The following UBTD2 variants were observed in gnomAD, a reference collection of about 807,000 sequenced individuals.
UBTD2 encodes ubiquitin domain containing 2, also known as ubiquitin domain-containing protein 2.
Under a neutral mutation model 19.8 loss-of-function variants are expected in UBTD2, and 9 were observed. That is an observed-to-expected ratio of 0.46 (90% CI 0.27 to 0.79). The LOEUF (loss-of-function observed/expected upper bound fraction) is 0.79, where lower values mean the gene tolerates loss of function less well. Among genes scored for constraint, UBTD2 ranks in the 30% least tolerant of loss-of-function variants. UBTD2 has a pLI of 0.14. For missense variants in UBTD2, 250 were observed against 300.4 expected (o/e 0.83, Z 1.24); for synonymous variants, 98 against 103.9 (o/e 0.94, Z 0.35).
At chr5:172,281,727 G>C (rs1479122884) in intron 1 of UBTD2, among the ~76,000 whole-genome samples, 1 of 152,030 alleles carries the variant, frequency 6.6e-6, no homozygotes, top group African/African-American at 2.4e-5. Context: ...GAGAATAAAA[G>C]CGTCCATAAT....
chr5:172,225,071 T>C (rs1018983054), intron 2 of UBTD2, among the ~76,000 whole-genome samples: 2 of 152,060 alleles, frequency 1.3e-5, no homozygotes, highest in East Asian at 1.9e-4. Flanking sequence ...TAACATCCTC[T>C]GTGGAAGGAC....
chr5:172,223,981 C>T lies in UBTD2; in HGVS notation c.307+10141G>A, dbSNP rs149809545. Among the ~76,000 whole-genome samples, 25 of 152,180 alleles carry T rather than the reference C, an allele frequency of 1.6e-4. No homozygotes were observed. The East Asian group carries it at 4.1e-3, about 25-fold the overall frequency. ...ACAACATATTTGCTGATGATGCCTA[C>T]GACAGCTTAAAGAAGGAAATGGAAG... On this transcript the variant is annotated intron_variant, in intron 2 of 2. Transcript: ENST00000393792.
intron 1 of UBTD2, among the ~76,000 whole-genome samples, chr5:172,281,206 A>C (rs550231617): frequency 1.8e-4 from 28 of 152,316 alleles, no homozygotes; most frequent in African/African-American, 6.5e-4. Flanking sequence ...TGGTTGGTGA[A>C]TGTAATTAAA....
rs1446177311 is a variant in UBTD2 at position 172,209,665 on chromosome 5, T to TC, written c.*2164_*2165insG. ...AAGAGAAAAATTGAACCTTTTTTTT[T>TC]TTTTTAAAAAAAGCACATAAACCCT... On this transcript the variant is annotated 3_prime_UTR_variant, in exon 3 of 3. Coordinates refer to ENST00000393792, the MANE Select transcript of UBTD2 (RefSeq NM_152277.3). 6.6e-6 allele frequency: 1 copy of TC among 152,128 alleles called. No homozygotes were observed. The highest frequency in any genetic ancestry group is 2.4e-5 in the African/African-American group (1 of 41,236). The allele number at this position is 152,128 out of a possible 1,614,324, so 9.4% of individuals were successfully genotyped here. A position where few individuals can be genotyped will look rare whatever the true frequency, so the allele number is the denominator to read the frequency against.
At chr5:172,274,343 G>A (rs1462020090) in intron 1 of UBTD2, among the ~76,000 whole-genome samples, 1 of 151,830 alleles carries the variant, frequency 6.6e-6, no homozygotes, top group Non-Finnish European at 1.5e-5. Flanking sequence ...CTTTCACCAT[G>A]TTGGCCAGGA....
chr5:172,256,279 T>C (rs2113083375), intron 1 of UBTD2, among the ~76,000 whole-genome samples: 1 of 152,268 alleles, frequency 6.6e-6, no homozygotes, highest in African/African-American at 2.4e-5. Flanking sequence ...TCTGAACATG[T>C]ACTCCCAACA....
chr5:172,272,201 G>A (rs1040314311), intron 1 of UBTD2, among the ~76,000 whole-genome samples: 12 of 152,166 alleles, frequency 7.9e-5, no homozygotes, highest in South Asian at 4.1e-4. Flanking sequence ...CTCAATATAC[G>A]GATATATTAA....
At chr5:172,232,762 T>C (rs991851090) in intron 2 of UBTD2, among the ~76,000 whole-genome samples, 6 of 150,818 alleles carry the variant, frequency 4.0e-5, no homozygotes, top group Non-Finnish European at 4.4e-5. Context: ...TGCGTGCCTG[T>C]AGTACCAGGT....
At position 172,212,138 on chromosome 5, in the gene UBTD2, T is replaced by C; in HGVS notation, c.397A>G (p.Lys133Glu). 2 of 1,614,230 alleles carry C rather than the reference T, an allele frequency of 1.2e-6. No individual in the cohort carries two copies. The highest frequency in any genetic ancestry group is 1.7e-6 in the Non-Finnish European group (2 of 1,180,040). Residue 133 changes from lysine to glutamate, a missense_variant, in exon 3 of 3, where the codon AAG becomes GAG. Transcript: ENST00000393792. Reference protein sequence around the residue: ...LAPPINMIEEKSDIETLDIPE... With the variant: ...LAPPINMIEEESDIETLDIPE... ...ATATCCAGAGTCTCTATGTCGCTCT[T>C]TTCCTCTATCATGTTGATTGGCGGT...
At chr5:172,255,826 C>T (rs1302033888) in intron 1 of UBTD2, among the ~76,000 whole-genome samples, 3 of 152,184 alleles carry the variant, frequency 2.0e-5, no homozygotes, top group East Asian at 1.9e-4. Context: ...CAGTGGCTCA[C>T]GCCTGCAATC....
At chr5:172,271,865 C>T (rs1232567097) in intron 1 of UBTD2, among the ~76,000 whole-genome samples, 2 of 152,044 alleles carry the variant, frequency 1.3e-5, no homozygotes, top group East Asian at 3.8e-4. Flanking sequence ...CTTGCTTATA[C>T]CTAAAAGCCC....
Position 172,273,097 on chromosome 5 carries a change from AAAAATAAAAAT to A in UBTD2, c.70+10488_70+10498del, listed in dbSNP as rs1755531390. Reference sequence around the variant, plus strand: ...GTCTCTCCGTCTCAAAAAAAAAAATAAAAATAAAAATAAAAATCTGTCCAAAGAAGAGGCAT... The same window carrying A: ...GTCTCTCCGTCTCAAAAAAAAAAATAAAAAATCTGTCCAAAGAAGAGGCAT... On this transcript the variant is annotated intron_variant, in intron 1 of 2. Coordinates refer to ENST00000393792, the MANE Select transcript of UBTD2 (RefSeq NM_152277.3). Among the ~76,000 whole-genome samples, 6 of 74,414 alleles carry A rather than the reference AAAAATAAAAAT, an allele frequency of 8.1e-5. No homozygotes were observed. The South Asian group carries it at 2.8e-3, about 35-fold the overall frequency. The allele number at this position is 74,414 out of a possible 152,430, so 48.8% of individuals were successfully genotyped here. A position where few individuals can be genotyped will look rare whatever the true frequency, so the allele number is the denominator to read the frequency against.
chr5:172,234,007 AAAAAAAAAAG>A, intron 2 of UBTD2, 105 bp downstream of exon 2: 1 of 665,512 alleles, frequency 1.5e-6, no homozygotes, highest in Non-Finnish European at 2.3e-6. Flanking sequence ...TTGCTACATT[AAAAAAAAAAG>A]TTAGAATAAT....
At chr5:172,269,076 T>C (rs1755431263) in intron 1 of UBTD2, among the ~76,000 whole-genome samples, 1 of 152,194 alleles carries the variant, frequency 6.6e-6, no homozygotes, top group Non-Finnish European at 1.5e-5. Flanking sequence ...TACAAAGGAA[T>C]ATATATCAAA....
chr5:172,257,532 C>G (rs982806833), intron 1 of UBTD2, among the ~76,000 whole-genome samples: 2 of 152,150 alleles, frequency 1.3e-5, no homozygotes, highest in Non-Finnish European at 2.9e-5. Flanking sequence ...AATGGTAGTT[C>G]TGGTTTAAGT....
At chr5:172,282,067 A>G in intron 1 of UBTD2, among the ~76,000 whole-genome samples, 1 of 152,226 alleles carries the variant, frequency 6.6e-6, no homozygotes, top group Non-Finnish European at 1.5e-5. Context: ...TACGGAGAAG[A>G]GCAAAATGCT....
chr5:172,247,968 A>G (rs1158840508), intron 1 of UBTD2, among the ~76,000 whole-genome samples: 9 of 152,254 alleles, frequency 5.9e-5, no homozygotes, highest in Admixed American at 2.6e-4. Context: ...GACTGAAATC[A>G]TACAAAGTTA....
intron 1 of UBTD2, among the ~76,000 whole-genome samples, chr5:172,241,964 G>T (rs886538376): frequency 6.6e-6 from 1 of 152,266 alleles, no homozygotes; most frequent in African/African-American, 2.4e-5. Context: ...GCTGCAGTGA[G>T]CTGCGATCGT....
At chr5:172,267,567 A>C (rs1755401830) in intron 1 of UBTD2, among the ~76,000 whole-genome samples, 1 of 152,218 alleles carries the variant, frequency 6.6e-6, no homozygotes, top group Non-Finnish European at 1.5e-5. Flanking sequence ...ACTCGGAGAA[A>C]ATATAACTTA....
Sources: allele counts gnomAD v4.1 joint callset (sites outside exome capture counted in the v4.1 genomes callset), GRCh38; gene constraint gnomAD v4.1.1; transcripts MANE v1.5; gene names NCBI Gene and HGNC (gene_info 2026-07-23, HGNC 2026-07-21).